The following SEMA6D variants were observed in gnomAD, a reference collection of about 807,000 sequenced individuals.
SEMA6D encodes the protein semaphorin-6D.
SEMA6D carries 35 observed loss-of-function variants against 106.6 expected under a neutral mutation model. That is an observed-to-expected ratio of 0.33 (90% CI 0.25 to 0.44). The LOEUF (loss-of-function observed/expected upper bound fraction) is 0.44, where lower values mean the gene tolerates loss of function less well. Ranked by LOEUF, SEMA6D falls within the 20% of genes least tolerant of loss-of-function variation. SEMA6D has a pLI of 1.00. For synonymous variants in SEMA6D, 499 were observed against 487.7 expected (o/e 1.02, Z -0.31); for missense variants, 1,185 against 1,345.9 (o/e 0.88, Z 1.87).
At chr15:47,681,925 A>G (rs2145598424) in intron 4 of SEMA6D, among the ~76,000 whole-genome samples, 1 of 152,312 alleles carries the variant, frequency 6.6e-6, no homozygotes, top group African/African-American at 2.4e-5. Flanking sequence ...AAAATATTTG[A>G]TCATAAAAAT....
chr15:47,571,074 C>T (rs1293851853), intron 3 of SEMA6D, among the ~76,000 whole-genome samples: 2 of 152,050 alleles, frequency 1.3e-5, no homozygotes, highest in African/African-American at 2.4e-5. Flanking sequence ...GAATTCCCTC[C>T]CCTCCCCACT....
rs2036587220 is a variant in SEMA6D, at chr15:47,314,820, C to T, written c.-238-97573C>T. ...GCCTTTGGTGTTGTATCTAAACAGT[C>T]ATCATCAAACCCAAATCATCTAGGT... On this transcript the variant is annotated intron_variant, in intron 1 of 19. Coordinates refer to the SEMA6D transcript ENST00000558014. Among the ~76,000 whole-genome samples the T allele has an allele frequency of 2.8e-5, 4 of 145,020 alleles. No homozygotes were observed. In the South Asian group the frequency reaches 8.8e-4, roughly 32 times the overall value.
intron 2 of SEMA6D, among the ~76,000 whole-genome samples, chr15:47,440,662 A>C (rs2041854868): frequency 6.6e-6 from 1 of 152,106 alleles, no homozygotes; most frequent in South Asian, 2.1e-4. Context: ...TAAAAAAAAA[A>C]AGACGGGTGT....
At chr15:47,515,830 A>T (rs576794617) in intron 3 of SEMA6D, among the ~76,000 whole-genome samples, 1 of 152,306 alleles carries the variant, frequency 6.6e-6, no homozygotes, top group African/African-American at 2.4e-5. Context: ...ACGACATTTT[A>T]ATATATTTTG....
intron 1 of SEMA6D, among the ~76,000 whole-genome samples, chr15:47,226,980 T>C (rs1404817066): frequency 1.3e-5 from 2 of 152,088 alleles, no homozygotes. Flanking sequence ...ATTGGTTCAA[T>C]ATGTGTCCTA....
At chr15:47,236,207 A>G (rs1011531044) in intron 1 of SEMA6D, among the ~76,000 whole-genome samples, 1 of 152,086 alleles carries the variant, frequency 6.6e-6, no homozygotes, top group Non-Finnish European at 1.5e-5. Flanking sequence ...ATGTTCTTAG[A>G]GTCTTTTAAT....
chr15:47,211,674 CT>C (rs1479585433), intron 1 of SEMA6D, among the ~76,000 whole-genome samples: 3 of 151,936 alleles, frequency 2.0e-5, no homozygotes, highest in East Asian at 1.9e-4. Context: ...CTGTCATGAC[CT>C]TTTATCAAAG....
intron 3 of SEMA6D, among the ~76,000 whole-genome samples, chr15:47,580,203 C>T (rs2076232536): frequency 6.6e-6 from 1 of 152,188 alleles, no homozygotes; most frequent in South Asian, 2.1e-4. Flanking sequence ...ATTCCCCAGA[C>T]AATCTTGCCT....
intron 3 of SEMA6D, among the ~76,000 whole-genome samples, chr15:47,501,738 G>T (rs186670401): frequency 2.1e-3 from 317 of 152,260 alleles, no homozygotes; most frequent in African/African-American, 7.4e-3. Flanking sequence ...ATTTGATGCA[G>T]CAAAAGAAAT....
At chr15:47,704,991 A>G (rs1403571740) in intron 4 of SEMA6D, among the ~76,000 whole-genome samples, 1 of 152,176 alleles carries the variant, frequency 6.6e-6, no homozygotes, top group Non-Finnish European at 1.5e-5. Context: ...AAATACATTC[A>G]CTTTTCTGGT....
chr15:47,445,964 G>C (rs1331462319), intron 2 of SEMA6D, among the ~76,000 whole-genome samples: 2 of 152,102 alleles, frequency 1.3e-5, no homozygotes, highest in Non-Finnish European at 2.9e-5. Context: ...AAGCACTTTG[G>C]ACTCATGATA....
chr15:47,232,195 G>A (rs367984150), intron 1 of SEMA6D, among the ~76,000 whole-genome samples: 12 of 152,008 alleles, frequency 7.9e-5, no homozygotes, highest in South Asian at 2.1e-4. Context: ...TCAGTCTCTC[G>A]TATGACTGCA....
intron 1 of SEMA6D, among the ~76,000 whole-genome samples, chr15:47,278,356 A>G (rs2034939504): frequency 6.6e-6 from 1 of 152,166 alleles, no homozygotes; most frequent in South Asian, 2.1e-4. Flanking sequence ...CATTTCTCTG[A>G]TGGCCAGTGA....
At chr15:47,274,894 T>G (rs1486505863) in intron 1 of SEMA6D, 1 of 152,166 alleles carries the variant, frequency 6.6e-6, no homozygotes, top group African/African-American at 2.4e-5. Flanking sequence ...TTACCTGAAC[T>G]CCACCTAATT....
At chr15:47,518,957 G>A (rs1259918275) in intron 3 of SEMA6D, among the ~76,000 whole-genome samples, 1 of 152,070 alleles carries the variant, frequency 6.6e-6, no homozygotes, top group Non-Finnish European at 1.5e-5. Flanking sequence ...GGGCACAGTG[G>A]CTCATGGCTG....
Position 47,643,796 on chromosome 15 carries a change from A to G in SEMA6D, c.-55+42900A>G, listed in dbSNP as rs115561203. Among the ~76,000 whole-genome samples, 177 of 152,312 alleles carry G rather than the reference A, an allele frequency of 1.2e-3. 1 individual carries two copies. Among genetic ancestry groups the G allele is most frequent in the African/African-American group, 4.0e-3 (168 of 41,572 alleles). ...AATCCTCTTCTCTAGCTATTTACAG[A>G]TATACAATAAATTTTGTTAGTTATA... On this transcript the variant is annotated intron_variant, in intron 4 of 19. Transcript: ENST00000558014.
intron 1 of SEMA6D, among the ~76,000 whole-genome samples, chr15:47,227,474 CTCTT>C (rs1407159757): frequency 1.5e-5 from 1 of 68,902 alleles, no homozygotes; most frequent in African/African-American, 7.4e-5. Flanking sequence ...CTTTTTCTTT[CTCTT>C]TCTTTTTCTT....
At chr15:47,525,595 A>G (rs2044727928) in intron 3 of SEMA6D, 1 of 152,248 alleles carries the variant, frequency 6.6e-6, no homozygotes, top group Non-Finnish European at 1.5e-5. Context: ...GAAGTTGAAA[A>G]TAAGTATAAT....
intron 3 of SEMA6D, among the ~76,000 whole-genome samples, chr15:47,555,338 T>C (rs2045885667): frequency 6.6e-6 from 1 of 152,158 alleles, no homozygotes; most frequent in South Asian, 2.1e-4. Context: ...AAATTCTCAG[T>C]TCCCAGGCCC....
Sources: allele counts gnomAD v4.1 joint callset (sites outside exome capture counted in the v4.1 genomes callset), GRCh38; gene constraint gnomAD v4.1.1; transcripts MANE v1.5; gene names NCBI Gene and HGNC (gene_info 2026-07-23, HGNC 2026-07-21).